The following DNAH9 variants were observed in gnomAD, a reference collection of about 807,000 sequenced individuals.
DNAH9 encodes DNAH9 variant protein.
DNAH9 carries 345 observed loss-of-function variants against 471.6 expected under a neutral mutation model. That is an observed-to-expected ratio of 0.73 (90% CI 0.67 to 0.80). DNAH9 has a LOEUF of 0.80. Among genes scored for constraint, DNAH9 ranks in the 30% least tolerant of loss-of-function variants. The pLI is 0.00. For synonymous variants in DNAH9, 2,093 were observed against 2,123.6 expected, an observed-to-expected ratio of 0.99 and a Z score of 0.40; for missense variants, 5,407 against 5,609.2, an observed-to-expected ratio of 0.96 and a Z score of 1.15.
At chr17:11,872,041 C>T (rs750195840) in intron 52 of DNAH9, among the ~76,000 whole-genome samples, 2 of 152,098 alleles carry the variant, frequency 1.3e-5, no homozygotes, top group Non-Finnish European at 2.9e-5. Flanking sequence ...TCCTCTTCCC[C>T]GCGGGCTGTC....
chr17:11,786,395 C>T (rs917985963), intron 41 of DNAH9, among the ~76,000 whole-genome samples: 8 of 152,080 alleles, frequency 5.3e-5, no homozygotes, highest in East Asian at 1.9e-4. Flanking sequence ...CCAGTGGGAA[C>T]GACGAGTGAT....
At chr17:11,815,659 C>T (rs140399360) in intron 45 of DNAH9, among the ~76,000 whole-genome samples, 8 of 152,124 alleles carry the variant, frequency 5.3e-5, no homozygotes, top group South Asian at 4.2e-4. Flanking sequence ...CTTGATGGAG[C>T]GCACCTCAGG....
At chr17:11,716,025 C>A (rs80347088) in intron 26 of DNAH9, among the ~76,000 whole-genome samples, 1 of 151,556 alleles carries the variant, frequency 6.6e-6, no homozygotes, top group African/African-American at 2.4e-5. Context: ...GTGGCCCAGG[C>A]GTCATGGCAG....
intron 50 of DNAH9, among the ~76,000 whole-genome samples, chr17:11,860,484 G>A (rs1397574401): frequency 2.6e-5 from 4 of 152,060 alleles, no homozygotes; most frequent in Non-Finnish European, 5.9e-5. Context: ...GTTTTGCAAA[G>A]TATTGAATTC....
At chr17:11,918,125 C>A (rs942227071) in intron 61 of DNAH9, among the ~76,000 whole-genome samples, 3 of 152,172 alleles carry the variant, frequency 2.0e-5, no homozygotes, top group African/African-American at 7.2e-5. Context: ...TCTTTGCAGC[C>A]AGATTCTCGA....
chr17:11,749,300 G>A (rs1967051327), intron 32 of DNAH9, among the ~76,000 whole-genome samples: 1 of 151,720 alleles, frequency 6.6e-6, no homozygotes, highest in Admixed American at 6.6e-5. Context: ...CAGCCAGGAT[G>A]GTCTCAATCT....
intron 26 of DNAH9, among the ~76,000 whole-genome samples, chr17:11,716,209 G>A (rs763676547): frequency 8.0e-5 from 12 of 149,208 alleles, no homozygotes; most frequent in East Asian, 2.0e-4. Context: ...TCAGCCACCC[G>A]AGTACCTGGG....
chr17:11,761,121 G>C (rs910495700), intron 35 of DNAH9, among the ~76,000 whole-genome samples: 1 of 152,164 alleles, frequency 6.6e-6, no homozygotes, highest in Non-Finnish European at 1.5e-5. Context: ...TCCTGACCCT[G>C]CATGAGATCT....
intron 22 of DNAH9, among the ~76,000 whole-genome samples, chr17:11,698,266 TATATA>T (rs1355246283): frequency 1.4e-3 from 171 of 124,584 alleles, no homozygotes; most frequent in African/African-American, 5.4e-3. Context: ...ATATAATAAT[TATATA>T]ATATATTATA....
chr17:11,797,714 C>G lies in DNAH9; in HGVS notation c.8341C>G (p.Leu2781Val), dbSNP rs750490703. The G allele has an allele frequency of 1.2e-6, 2 of 1,614,224 alleles. No homozygotes were observed. Among genetic ancestry groups the G allele is most frequent in the South Asian group, 1.1e-5 (1 of 91,088 alleles). Reference sequence around the variant, plus strand: ...GTCTTGGGAACTTTTGACCCAGACTCTGGTGGAGGCCTTGGAGAACCACAA... The same window carrying G: ...GTCTTGGGAACTTTTGACCCAGACTGTGGTGGAGGCCTTGGAGAACCACAA... ...VQSWELLTQT[L>V]VEALENHNEV... The change falls in exon 43 of 69, where the codon CTG becomes GTG. Residue 2781 changes from leucine to valine, a missense_variant. By Grantham distance (32) the Leu-to-Val change is conservative. This residue lies in a region of DNAH9 where 4,636 missense variants were observed against 4,900.3 expected (regional missense o/e 0.95). Transcript: ENST00000262442.
intron 65 of DNAH9, among the ~76,000 whole-genome samples, chr17:11,934,415 C>T (rs1477494540): frequency 7.1e-6 from 1 of 141,604 alleles, no homozygotes; most frequent in Admixed American, 7.1e-5. Context: ...GTTGTTTTCA[C>T]TTGGGATGTT....
In DNAH9 at chr17:11,955,337, GA is replaced by G. The variant is rs922759285; in HGVS notation, c.12844-6518del. Among the ~76,000 whole-genome samples, 489 of 140,106 alleles carry G rather than the reference GA, an allele frequency of 3.5e-3. 2 individuals carry two copies. The highest frequency in any genetic ancestry group is 8.7e-3 in the African/African-American group (335 of 38,380). The allele number at this position is 140,106 out of a possible 152,430, so 91.9% of individuals were successfully genotyped here. A position where few individuals can be genotyped will look rare whatever the true frequency, so the allele number is the denominator to read the frequency against. On this transcript the variant is annotated intron_variant, in intron 67 of 68. Transcript: ENST00000262442. ...TTATTTACTATTTGACACTTTACAG[GA>G]AAAAAAAAAAAGTTTGTCAATTCTT...
Position 11,824,514 on chromosome 17 carries a change from C to T in DNAH9, c.9246+1480C>T, listed in dbSNP as rs181986060. 1.7e-4 allele frequency among the ~76,000 whole-genome samples: 26 copies of T among 152,208 alleles called. No homozygotes were observed. In the South Asian group the frequency reaches 3.5e-3, roughly 21 times the overall value. On this transcript the variant is annotated intron_variant, in intron 48 of 68. Transcript: ENST00000262442. ...GGAGCAATAGTCAGTTGGATGGGGT[C>T]CCTGTGCCCCATATCTGTTATGTTC...
At chr17:11,844,146 T>G (rs1047550509) in intron 49 of DNAH9, among the ~76,000 whole-genome samples, 2 of 151,702 alleles carry the variant, frequency 1.3e-5, no homozygotes, top group African/African-American at 4.8e-5. Context: ...AGATCAGTTT[T>G]TATGTATGTG....
intron 32 of DNAH9, among the ~76,000 whole-genome samples, chr17:11,750,433 A>G (rs996592495): frequency 6.6e-5 from 10 of 152,346 alleles, no homozygotes; most frequent in African/African-American, 2.4e-4. Context: ...CAAACTCAAT[A>G]TAATAACAAA....
chr17:11,746,054 A>G (rs2075518666), intron 31 of DNAH9, among the ~76,000 whole-genome samples: 1 of 152,272 alleles, frequency 6.6e-6, no homozygotes, highest in African/African-American at 2.4e-5. Context: ...AGTACTGAAC[A>G]GAATGACTTC....
At chr17:11,862,480 T>A (rs1162231444) in intron 50 of DNAH9, among the ~76,000 whole-genome samples, 1 of 133,300 alleles carries the variant, frequency 7.5e-6, no homozygotes, top group African/African-American at 2.9e-5. Flanking sequence ...TTCTTTTGGC[T>A]TAGGATTGAC....
Position 11,902,923 on chromosome 17 carries a change from G to A in DNAH9, c.11600+11G>A, listed in dbSNP as rs1234382669. ...GACCTATGCTTTGCGGTAGGAAACA[G>A]GGTGGTGGAAGGCCCAGCATAGGCA... On this transcript the variant is annotated intron_variant, in intron 60 of 68. Transcript: ENST00000262442. 5 of 1,610,276 alleles carry A rather than the reference G, an allele frequency of 3.1e-6. No homozygotes were observed. Among genetic ancestry groups the A allele is most frequent in the Admixed American group, 3.4e-5 (2 of 59,654 alleles).
chr17:11,744,049 C>T (rs1004041620), intron 30 of DNAH9, among the ~76,000 whole-genome samples: 12 of 152,082 alleles, frequency 7.9e-5, no homozygotes, highest in Admixed American at 2.0e-4. Flanking sequence ...AGGCTGGTCT[C>T]GAACTCCTGA....
Sources: allele counts gnomAD v4.1 joint callset (sites outside exome capture counted in the v4.1 genomes callset), GRCh38; gene constraint gnomAD v4.1.1; regional missense constraint gnomAD v4.1.1; transcripts MANE v1.5; gene names NCBI Gene and HGNC (gene_info 2026-07-23, HGNC 2026-07-21).